Variants in CHST11 observed in about 807,000 individuals in gnomAD.
The protein encoded by CHST11 is carbohydrate sulfotransferase 11, also known as C4S-1.
A neutral mutation model predicts 30.4 loss-of-function variants in CHST11; 9 were observed. The ratio of observed to expected loss-of-function variants is 0.30; its 90% CI spans 0.18 to 0.52. CHST11 has a LOEUF of 0.52. Ranked by LOEUF, CHST11 falls within the 20% of genes least tolerant of loss-of-function variation. The pLI is 0.97. For missense variants in CHST11, 348 were observed against 460.6 expected (o/e 0.76, Z 2.24); for synonymous variants, 152 against 187.8 (o/e 0.81, Z 1.56).
intron 1 of CHST11, among the ~76,000 whole-genome samples, chr12:104,586,267 T>A (rs1418354066): frequency 2.0e-5 from 3 of 152,182 alleles, no homozygotes; most frequent in Non-Finnish European, 4.4e-5. Flanking sequence ...CTGGGTAGGC[T>A]CAGGGTTTGC....
chr12:104,484,058 C>A (rs867079839), intron 1 of CHST11, among the ~76,000 whole-genome samples: 8 of 152,196 alleles, frequency 5.3e-5, no homozygotes, highest in Admixed American at 6.5e-5. Context: ...TCTAGGTCTT[C>A]TTTTTGCCAT....
At chr12:104,492,890 G>A (rs1394642861) in intron 1 of CHST11, among the ~76,000 whole-genome samples, 2 of 152,090 alleles carry the variant, frequency 1.3e-5, no homozygotes, top group Admixed American at 6.6e-5. Flanking sequence ...AAAATTAGCC[G>A]GGTATGGTGG....
chr12:104,623,476 C>T (rs377259774), intron 2 of CHST11, among the ~76,000 whole-genome samples: 18 of 152,274 alleles, frequency 1.2e-4, no homozygotes, highest in African/African-American at 3.1e-4. Context: ...TTTGGGAGGC[C>T]GAGGCAGGTG....
At chr12:104,487,774 G>A (rs947361383) in intron 1 of CHST11, among the ~76,000 whole-genome samples, 2 of 151,246 alleles carry the variant, frequency 1.3e-5, no homozygotes, top group African/African-American at 4.9e-5. Flanking sequence ...TGAACATAGA[G>A]TTGCGTATCA....
chr12:104,668,037 C>G (rs1271316356), intron 2 of CHST11, among the ~76,000 whole-genome samples: 1 of 152,126 alleles, frequency 6.6e-6, no homozygotes, highest in African/African-American at 2.4e-5. Flanking sequence ...CCCACAGAAG[C>G]TGGAGTAAGA....
chr12:104,659,736 CAGA>C (rs2039580341), intron 2 of CHST11, among the ~76,000 whole-genome samples: 1 of 152,050 alleles, frequency 6.6e-6, no homozygotes, highest in South Asian at 2.1e-4. Flanking sequence ...GAGGCCAAGG[CAGA>C]AGGATTGCTT....
At chr12:104,588,567 G>A (rs1339303215) in intron 1 of CHST11, among the ~76,000 whole-genome samples, 2 of 152,210 alleles carry the variant, frequency 1.3e-5, no homozygotes, top group African/African-American at 4.8e-5. Flanking sequence ...GCTTCCTTAT[G>A]TCTTGATTCC....
At chr12:104,756,532 G>GGTGTGTGTGTGTGTGTGTGTGTGTGTGT (rs113577198) in intron 2 of CHST11, among the ~76,000 whole-genome samples, 3 of 143,398 alleles carry the variant, frequency 2.1e-5, no homozygotes, top group Non-Finnish European at 4.6e-5. Flanking sequence ...ATCCATGTGG[G>GGTGTGTGTGTGTGTGTGTGTGTGTGTGT]GTGTGTGTGT....
chr12:104,559,615 C>T (rs763784841), intron 1 of CHST11, among the ~76,000 whole-genome samples: 2 of 152,044 alleles, frequency 1.3e-5, no homozygotes, highest in South Asian at 2.1e-4. Context: ...TGGTGGTGGG[C>T]GCCTGTAATC....
rs549085110 is a variant in CHST11, at chr12:104,528,552, G to T, written c.118+71023G>T. Among the ~76,000 whole-genome samples, 14 of 152,302 alleles carry T rather than the reference G, an allele frequency of 9.2e-5. 1 individual carries two copies. In the South Asian group the frequency reaches 2.9e-3, roughly 32 times the overall value. ...TCACTGGGTCCCCCTGCAGCTTGGG[G>T]ACTGGGTGGCCAGTGCTGTTCTTCC... On this transcript the variant is annotated intron_variant, in intron 1 of 2. Transcript: ENST00000303694.
intron 1 of CHST11, among the ~76,000 whole-genome samples, chr12:104,474,698 G>A (rs1013663165): frequency 2.0e-5 from 3 of 152,092 alleles, no homozygotes; most frequent in African/African-American, 7.2e-5. Context: ...TCATTGCTGA[G>A]TGTTCGATCT....
chr12:104,646,813 G>A (rs896827471), intron 2 of CHST11, among the ~76,000 whole-genome samples: 2 of 152,244 alleles, frequency 1.3e-5, no homozygotes, highest in Non-Finnish European at 1.5e-5. Context: ...AGAGCCTAAA[G>A]TGTCTGATAA....
intron 2 of CHST11, among the ~76,000 whole-genome samples, chr12:104,710,674 G>A (rs995567527): frequency 1.3e-5 from 2 of 152,194 alleles, no homozygotes; most frequent in African/African-American, 4.8e-5. Context: ...ACAGGTTTGA[G>A]CCCCCAGACG....
At chr12:104,746,239 T>C (rs923160427) in intron 2 of CHST11, among the ~76,000 whole-genome samples, 1 of 152,370 alleles carries the variant, frequency 6.6e-6, no homozygotes, top group South Asian at 2.1e-4. Context: ...CATTCATTTC[T>C]ATTTCCTGAT....
At chr12:104,583,952 A>G (rs7299085) in intron 1 of CHST11, among the ~76,000 whole-genome samples, 1 of 152,040 alleles carries the variant, frequency 6.6e-6, no homozygotes, top group Non-Finnish European at 1.5e-5. Flanking sequence ...ACCTCAAGTG[A>G]TCCGCCCTCC....
intron 2 of CHST11, among the ~76,000 whole-genome samples, chr12:104,628,547 C>T (rs996311800): frequency 7.2e-5 from 11 of 152,112 alleles, no homozygotes; most frequent in African/African-American, 1.9e-4. Flanking sequence ...GGTAACGTGG[C>T]GTTGAATTCC....
chr12:104,476,270 G>A (rs1012149728), intron 1 of CHST11, among the ~76,000 whole-genome samples: 1 of 149,038 alleles, frequency 6.7e-6, no homozygotes, highest in Non-Finnish European at 1.5e-5. Context: ...TATGTAATAT[G>A]TACACATGTA....
intron 1 of CHST11, among the ~76,000 whole-genome samples, chr12:104,478,440 T>A (rs1426019817): frequency 6.6e-6 from 1 of 152,186 alleles, no homozygotes; most frequent in African/African-American, 2.4e-5. Flanking sequence ...TATATCTGAA[T>A]TCTGGAGTCT....
At chr12:104,579,515 A>C (rs1009962316) in intron 1 of CHST11, among the ~76,000 whole-genome samples, 2 of 152,250 alleles carry the variant, frequency 1.3e-5, no homozygotes, top group Admixed American at 6.5e-5. Context: ...CACATGTCGG[A>C]ACAGACAATG....
Sources: gnomAD v4.1 joint callset for allele counts (sites outside exome capture counted in the v4.1 genomes callset) on GRCh38, gnomAD v4.1.1 for gene constraint, MANE v1.5 for transcripts, NCBI Gene and HGNC (gene_info 2026-07-23, HGNC 2026-07-21) for gene names.